The following ATP2B2 variants were observed in gnomAD, a reference collection of about 807,000 sequenced individuals.
ATP2B2 encodes ATPase plasma membrane Ca2+ transporting 2.
ATP2B2 carries 15 observed loss-of-function variants against 120.0 expected under a neutral mutation model. That is an observed-to-expected ratio of 0.12 (90% CI 0.08 to 0.19). The LOEUF is 0.19. Among genes scored for constraint, ATP2B2 ranks in the 10% least tolerant of loss-of-function variants. The pLI is 1.00. For missense variants in ATP2B2, 1,045 were observed against 1,719.8 expected (o/e 0.61, Z 6.94); for synonymous variants, 694 against 700.3 (o/e 0.99, Z 0.14).
chr3:10,441,398 C>T (rs1575233621), intron 2 of ATP2B2, among the ~76,000 whole-genome samples: 1 of 152,188 alleles, frequency 6.6e-6, no homozygotes, highest in Non-Finnish European at 1.5e-5. Flanking sequence ...CGCCATCACA[C>T]CCAGCTCATT....
chr3:10,494,992 C>T (rs971490055), intron 1 of ATP2B2, among the ~76,000 whole-genome samples: 3 of 152,216 alleles, frequency 2.0e-5, no homozygotes, highest in African/African-American at 7.2e-5. Context: ...GTGCTTAAGA[C>T]ATGTAAACCA....
chr3:10,505,280 C>T (rs576428268), intron 1 of ATP2B2, among the ~76,000 whole-genome samples, 185 bp downstream of exon 1: 1 of 152,206 alleles, frequency 6.6e-6, no homozygotes, highest in South Asian at 2.1e-4. Context: ...AGTGCAGCCT[C>T]GGCTGCTGCC....
At chr3:10,600,100 G>A (rs191565860) in intron 2 of ATP2B2, among the ~76,000 whole-genome samples, 71 of 152,182 alleles carry the variant, frequency 4.7e-4, no homozygotes, top group African/African-American at 1.6e-3. Context: ...AGAGCAGAGG[G>A]GCTGGGGCTG....
At position 10,567,369 on chromosome 3, in the gene ATP2B2, T is replaced by C. The variant is rs531411295; in HGVS notation, c.-414-33236A>G. 2.6e-5 allele frequency among the ~76,000 whole-genome samples: 4 copies of C among 152,348 alleles called. No individual in the cohort carries two copies. In the East Asian group the frequency reaches 5.8e-4, roughly 22 times the overall value. On this transcript the variant is annotated intron_variant, in intron 2 of 21. Transcript: ENST00000646379. ...TTCTGGGATCACCAAATGGACATGA[T>C]AATGTCTCCTGTGTTAGGAGACAGG...
chr3:10,488,495 C>CTTCCTTCCTTCCTTCG (rs2065809245), intron 1 of ATP2B2, among the ~76,000 whole-genome samples: 1 of 99,114 alleles, frequency 1.0e-5, no homozygotes, highest in South Asian at 4.0e-4. Flanking sequence ...TCCTTCCTTC[C>CTTCCTTCCTTCCTTCG]TTCCTTCCTT....
chr3:10,561,999 T>C (rs2067913614), intron 2 of ATP2B2, among the ~76,000 whole-genome samples: 1 of 152,176 alleles, frequency 6.6e-6, no homozygotes, highest in Non-Finnish European at 1.5e-5. Context: ...CCACCCAGCA[T>C]CTCATGCAAA....
At chr3:10,579,267 T>C (rs929740532) in intron 2 of ATP2B2, among the ~76,000 whole-genome samples, 5 of 152,180 alleles carry the variant, frequency 3.3e-5, no homozygotes, top group African/African-American at 7.2e-5. Context: ...CTCTGTAAAA[T>C]GGGAATAATG....
chr3:10,559,752 G>C (rs2067861354), intron 2 of ATP2B2, among the ~76,000 whole-genome samples: 2 of 152,188 alleles, frequency 1.3e-5, no homozygotes, highest in African/African-American at 2.4e-5. Context: ...TGGGCTTGAG[G>C]TTTAAAGAAC....
intron 2 of ATP2B2, chr3:10,569,972 A>C (rs1406528600): frequency 3.3e-5 from 5 of 152,218 alleles, no homozygotes; most frequent in Non-Finnish European, 2.9e-5. Context: ...CTGGTAGCCT[A>C]GCCTGGGGCC....
At position 10,340,797 on chromosome 3, in the gene ATP2B2, G is replaced by C; in HGVS notation, c.2918-93C>G. On this transcript the variant is annotated intron_variant, in intron 19 of 22. Transcript: ENST00000360273. The surrounding 1 kb of genome is among the most constrained non-coding windows in gnomAD (Gnocchi z 5.0). ...CTTTCGTGGGGGCCTCTTCTGAGCA[G>C]TGACGTGAATCCCCAAGACATCAAG... 9 of 1,267,932 alleles carry C rather than the reference G, an allele frequency of 7.1e-6. No individual in the cohort carries two copies. Among genetic ancestry groups the C allele is most frequent in the African/African-American group, 1.5e-5 (1 of 68,082 alleles). The allele number at this position is 1,267,932 out of a possible 1,614,324, so 78.5% of individuals were successfully genotyped here.
At chr3:10,663,824 G>A (rs1408858581) in intron 1 of ATP2B2, among the ~76,000 whole-genome samples, 2 of 152,138 alleles carry the variant, frequency 1.3e-5, no homozygotes, top group African/African-American at 4.8e-5. Flanking sequence ...TGGGGAGGCA[G>A]GGACTACTAA....
At chr3:10,617,126 T>C (rs541449755) in intron 2 of ATP2B2, among the ~76,000 whole-genome samples, 1 of 152,380 alleles carries the variant, frequency 6.6e-6, no homozygotes, top group African/African-American at 2.4e-5. Flanking sequence ...TTAACTAATA[T>C]AAATACTGCT....
At chr3:10,671,199 T>C (rs2071086595) in intron 1 of ATP2B2, among the ~76,000 whole-genome samples, 1 of 152,152 alleles carries the variant, frequency 6.6e-6, no homozygotes, top group Admixed American at 6.5e-5. Flanking sequence ...GATTTTTCCC[T>C]GAAGAAAGCA....
At chr3:10,506,977 C>A (rs374908511), upstream of ATP2B2, among the ~76,000 whole-genome samples, 1 of 152,228 alleles carries the variant, frequency 6.6e-6, no homozygotes, top group African/African-American at 2.4e-5. Context: ...CAGTTGGGAG[C>A]GCCTGAGGTG....
intron 2 of ATP2B2, among the ~76,000 whole-genome samples, chr3:10,540,275 T>A (rs977954050): frequency 6.6e-6 from 1 of 152,250 alleles, no homozygotes; most frequent in African/African-American, 2.4e-5. Context: ...TTGGTGGGAC[T>A]GTAAACTAGT....
intron 2 of ATP2B2, among the ~76,000 whole-genome samples, chr3:10,587,193 T>C (rs2068529837): frequency 6.6e-6 from 1 of 151,996 alleles, no homozygotes; most frequent in South Asian, 2.1e-4. Context: ...TAGTCCCAGC[T>C]ACTAAGGAGC....
intron 3 of ATP2B2, among the ~76,000 whole-genome samples, chr3:10,531,931 C>G (rs4564963): frequency 0.5 from 75,398 of 151,634 alleles, 19,011 homozygotes; most frequent in East Asian, 0.69. Context: ...TCTGAGGCTA[C>G]AAGTTCATCA....
At chr3:10,541,223 T>C (rs2067432769) in intron 2 of ATP2B2, among the ~76,000 whole-genome samples, 2 of 152,198 alleles carry the variant, frequency 1.3e-5, no homozygotes, top group Non-Finnish European at 2.9e-5. Flanking sequence ...AATATCTCTG[T>C]GTTTCATTGG....
intron 2 of ATP2B2, among the ~76,000 whole-genome samples, chr3:10,433,826 G>A (rs1223128824): frequency 6.6e-6 from 1 of 152,228 alleles, no homozygotes; most frequent in African/African-American, 2.4e-5. Context: ...CCCACCTAAA[G>A]CTGCCCCTCC....
Sources: allele counts gnomAD v4.1 joint callset (sites outside exome capture counted in the v4.1 genomes callset), GRCh38; gene constraint gnomAD v4.1.1; non-coding constraint Gnocchi (gnomAD v3.1); transcripts MANE v1.5; gene names NCBI Gene and HGNC (gene_info 2026-07-23, HGNC 2026-07-21).